The following SPATA4 variants were observed in gnomAD, a reference collection of about 807,000 sequenced individuals.
SPATA4 encodes spermatogenesis associated 4.
In SPATA4, 35 loss-of-function variants were observed where a neutral mutation model predicts 31.8. The observed-to-expected ratio is 1.10, with a 90% confidence interval of 0.84 to 1.46. SPATA4 has a LOEUF of 1.46. Among genes scored for constraint, SPATA4 ranks in the 40% most tolerant of loss-of-function variants. The pLI, the probability that SPATA4 is intolerant of heterozygous loss-of-function variation, is 0.00. For missense variants in SPATA4, 394 were observed against 363.1 expected, an observed-to-expected ratio of 1.09 and a Z score of -0.69; for synonymous variants, 126 against 132.4, an observed-to-expected ratio of 0.95 and a Z score of 0.33.
intron 5 of SPATA4, among the ~76,000 whole-genome samples, chr4:176,186,834 T>C (rs556423447): frequency 6.6e-6 from 1 of 152,154 alleles, no homozygotes; most frequent in Non-Finnish European, 1.5e-5. Flanking sequence ...ATGGTTTTTT[T>C]TTGTTTTTTT....
At position 176,184,738 on chromosome 4, in the gene SPATA4, G is replaced by C. The variant is rs753348197; in HGVS notation, c.*42C>G. The C allele has an allele frequency of 8.4e-7, 1 of 1,189,148 alleles. No homozygotes were observed. The highest frequency in any genetic ancestry group is 1.2e-6 in the Non-Finnish European group (1 of 824,992). 73.7% of individuals were successfully genotyped at this position (1,189,148 alleles called of 1,614,324 possible). ...ATTCTGTTTCTTTATTATGGCTAGA[G>C]ATGGTGGCATCACTTCTTCAAAGCC... On this transcript the variant is annotated 3_prime_UTR_variant, in exon 6 of 6. Coordinates refer to ENST00000280191, the MANE Select transcript of SPATA4 (RefSeq NM_144644.4).
In SPATA4 at chr4:176,195,579, CT is replaced by C. The variant is rs1297772002; in HGVS notation, c.-18del. ...GGCAGCCATGACGCTTTCTGGGTTG[CT>C]GCGGCAACAGCAGAAGGCGGGGCTG... is the stretch of plus-strand genomic sequence containing the variant. On this transcript the variant is annotated 5_prime_UTR_variant, in exon 1 of 6. Transcript: ENST00000280191. 5 of 1,612,226 alleles carry C rather than the reference CT, an allele frequency of 3.1e-6. No homozygotes were observed. Among genetic ancestry groups the C allele is most frequent in the Non-Finnish European group, 4.2e-6 (5 of 1,178,802 alleles).
chr4:176,187,961 A>G (rs1752471220), intron 5 of SPATA4, among the ~76,000 whole-genome samples, 158 bp downstream of exon 5: 1 of 152,184 alleles, frequency 6.6e-6, no homozygotes, highest in Non-Finnish European at 1.5e-5. Flanking sequence ...TGTTCCCTTC[A>G]CTTATCATAA....
intron 4 of SPATA4, among the ~76,000 whole-genome samples, chr4:176,189,352 G>A (rs1752492054): frequency 6.6e-6 from 1 of 151,504 alleles, no homozygotes; most frequent in Non-Finnish European, 1.5e-5. Context: ...ACTAAAAAGA[G>A]TAGAGATTTA....
At chr4:176,192,477 C>A (rs1253249205) in intron 4 of SPATA4, 150 bp downstream of exon 4, 3 of 653,338 alleles carry the variant, frequency 4.6e-6, no homozygotes, top group Non-Finnish European at 5.2e-6. Flanking sequence ...GCTAATAAAT[C>A]ATTTCACTGC....
At chr4:176,195,122 T>C (rs1752593652) in intron 1 of SPATA4, among the ~76,000 whole-genome samples, 1 of 152,236 alleles carries the variant, frequency 6.6e-6, no homozygotes, top group Non-Finnish European at 1.5e-5. Context: ...CATTCTATAT[T>C]GTCCACAATT....
intron 4 of SPATA4, among the ~76,000 whole-genome samples, chr4:176,191,744 G>C (rs1235166494): frequency 1.3e-5 from 2 of 152,086 alleles, no homozygotes; most frequent in Non-Finnish European, 2.9e-5. Flanking sequence ...AATCAAGGAA[G>C]AGAAAACAAA....
At chr4:176,191,056 G>A (rs1324653237) in intron 4 of SPATA4, among the ~76,000 whole-genome samples, 1 of 150,680 alleles carries the variant, frequency 6.6e-6, no homozygotes, top group African/African-American at 2.4e-5. Context: ...GTATGTATAG[G>A]TAAATGAAAT....
At chr4:176,190,282 T>A (rs1236121813) in intron 4 of SPATA4, among the ~76,000 whole-genome samples, 1 of 152,180 alleles carries the variant, frequency 6.6e-6, no homozygotes, top group East Asian at 1.9e-4. Flanking sequence ...GATTACAGGT[T>A]TTCACTTTAA....
chr4:176,192,879 G>T (rs1409683262), intron 3 of SPATA4, 32 bp from the exon 4 acceptor site: 1 of 1,597,970 alleles, frequency 6.3e-7, no homozygotes, highest in East Asian at 2.2e-5. Flanking sequence ...CTGTTGACAA[G>T]CAACATTTTA....
In SPATA4 at chr4:176,193,465, T is replaced by C; in HGVS notation, c.336A>G (p.Ala112=). Reference sequence around the variant, plus strand: ...ACTGCTAACGTACCTTCTCCAACTGTGCCCAGTTATCCAACTTGACTTTTA... The same window carrying C: ...ACTGCTAACGTACCTTCTCCAACTGCGCCCAGTTATCCAACTTGACTTTTA... ...TSLKVKLDNW[A]QLEKFLARKK... Residue 112 remains alanine (A), a synonymous_variant, in exon 2 of 6, where the codon GCA becomes GCG. Coordinates refer to ENST00000280191, the MANE Select transcript of SPATA4 (RefSeq NM_144644.4). 4 of 1,613,410 alleles carry C rather than the reference T, an allele frequency of 2.5e-6. No individual in the cohort carries two copies. The highest frequency in any genetic ancestry group is 3.3e-4 in the Middle Eastern group (2 of 6,054).
chr4:176,185,600 T>C (rs908836942), intron 5 of SPATA4, among the ~76,000 whole-genome samples: 2 of 152,174 alleles, frequency 1.3e-5, no homozygotes, highest in African/African-American at 4.8e-5. Context: ...TTCTCCTCCT[T>C]CCATTAACTA....
rs1405086723 is a variant in SPATA4 at position 176,193,074 on chromosome 4, G to A, written c.351C>T (p.Phe117=). 1 of 1,543,798 alleles carries A rather than the reference G, an allele frequency of 6.5e-7. No homozygotes were observed. Among genetic ancestry groups the A allele is most frequent in the Non-Finnish European group, 8.8e-7 (1 of 1,134,234 alleles). ...GTAATTTAAATTTTTTTCTTGCCAG[G>A]AACTTTAATAGTAGAAAGAAAATGT... The part of the protein sequence containing the change: ...KLDNWAQLEK[F]LARKKFKLPK... The change falls in exon 3 of 6, where the codon TTC becomes TTT. Residue 117 remains phenylalanine (F), a splice_region_variant and synonymous_variant. Transcript: ENST00000280191.
At chr4:176,188,033 A>T in intron 5 of SPATA4, 86 bp downstream of exon 5, 1 of 949,872 alleles carries the variant, frequency 1.1e-6, no homozygotes, top group Non-Finnish European at 1.7e-6. Context: ...CCAACATTTT[A>T]ACTATTTAAC....
At chr4:176,189,857 A>T (rs1013865115) in intron 4 of SPATA4, among the ~76,000 whole-genome samples, 1 of 152,182 alleles carries the variant, frequency 6.6e-6, no homozygotes. Context: ...CAAGTTAAAG[A>T]AGGAAGCAGT....
At chr4:176,188,323 A>G in intron 4 of SPATA4, 88 bp from the exon 5 acceptor site, 1 of 831,124 alleles carries the variant, frequency 1.2e-6, no homozygotes, top group Non-Finnish European at 1.9e-6. Context: ...AATTAAGTAA[A>G]TTATTTAAAT....
At chr4:176,186,451 T>A (rs1752442241) in intron 5 of SPATA4, among the ~76,000 whole-genome samples, 1 of 152,222 alleles carries the variant, frequency 6.6e-6, no homozygotes, top group African/African-American at 2.4e-5. Context: ...CCCTCCCTGC[T>A]GGAACTTTCA....
Position 176,192,939 on chromosome 4 carries a change from G to A in SPATA4, c.467+19C>T. 1.3e-6 allele frequency: 2 copies of A among 1,584,238 alleles called. No individual in the cohort carries two copies. Among genetic ancestry groups the A allele is most frequent in the Non-Finnish European group, 1.7e-6 (2 of 1,163,998 alleles). On this transcript the variant is annotated intron_variant, in intron 3 of 5. Coordinates refer to ENST00000280191, the MANE Select transcript of SPATA4 (RefSeq NM_144644.4). ...GTTTCACATTAAATTGTGTTACTAG[G>A]AAATTACAAAGAACTTACTCTCGAT...
At chr4:176,192,554 AT>A in intron 4 of SPATA4, 72 bp downstream of exon 4, 1 of 1,317,444 alleles carries the variant, frequency 7.6e-7, no homozygotes, top group Non-Finnish European at 1.1e-6. Context: ...CAGTGCCGAC[AT>A]TTCTTTCATC....
Sources: gnomAD v4.1 joint callset for allele counts (sites outside exome capture counted in the v4.1 genomes callset) on GRCh38, gnomAD v4.1.1 for gene constraint, MANE v1.5 for transcripts, NCBI Gene and HGNC (gene_info 2026-07-23, HGNC 2026-07-21) for gene names.